PLD5: variants seen among roughly 807,000 people sequenced by gnomAD.
The protein encoded by PLD5 is inactive phospholipase D5.
A neutral mutation model predicts 61.1 loss-of-function variants in PLD5; 36 were observed. The ratio of observed to expected loss-of-function variants is 0.59; its 90% CI spans 0.45 to 0.78. The LOEUF is 0.78. PLD5 is among the 30% of genes least tolerant of loss of function. PLD5 has a pLI of 0.00. For synonymous variants in PLD5, 243 were observed against 242.8 expected, an observed-to-expected ratio of 1.00 and a Z score of -0.01; for missense variants, 515 against 644.4, an observed-to-expected ratio of 0.80 and a Z score of 2.17.
At chr1:242,523,654 C>T (rs561895453) in intron 1 of PLD5, among the ~76,000 whole-genome samples, 14 of 152,334 alleles carry the variant, frequency 9.2e-5, no homozygotes, top group Middle Eastern at 3.4e-3. Flanking sequence ...CAACTTTACT[C>T]ATTCGTTAAT....
Position 242,262,003 on chromosome 1 carries a change from A to G in PLD5, c.607+3334T>C, listed in dbSNP as rs370427923. 7.2e-5 allele frequency among the ~76,000 whole-genome samples: 11 copies of G among 152,362 alleles called. No individual in the cohort carries two copies. The South Asian group carries it at 2.1e-3, about 29-fold the overall frequency. ...ATACTGAACAGAAATGTATATGTGT[A>G]GGCATCTGAAAGACATGTACAAGAA... is the stretch of plus-strand genomic sequence containing the variant. On this transcript the variant is annotated intron_variant, in intron 4 of 9. Transcript: ENST00000536534.
chr1:242,436,493 T>A (rs912554326), intron 1 of PLD5, among the ~76,000 whole-genome samples: 6 of 152,242 alleles, frequency 3.9e-5, no homozygotes, highest in Non-Finnish European at 5.9e-5. Context: ...TAAAAAAAAA[T>A]TTATCTTTAC....
intron 9 of PLD5, among the ~76,000 whole-genome samples, chr1:242,097,290 G>T (rs1660323535): frequency 6.6e-6 from 1 of 152,150 alleles, no homozygotes; most frequent in South Asian, 2.1e-4. Flanking sequence ...GGGTCAAATG[G>T]TATTTCTAGT....
intron 1 of PLD5, among the ~76,000 whole-genome samples, chr1:242,406,865 A>G (rs1170781421): frequency 2.0e-5 from 3 of 152,250 alleles, no homozygotes; most frequent in Non-Finnish European, 4.4e-5. Context: ...TTAGTAGACT[A>G]TAAGAGGACT....
At chr1:242,457,124 G>A (rs1666968071) in intron 1 of PLD5, among the ~76,000 whole-genome samples, 1 of 152,108 alleles carries the variant, frequency 6.6e-6, no homozygotes, top group African/African-American at 2.4e-5. Context: ...CATGTTTTGT[G>A]GTGATGGGAA....
At chr1:242,477,284 G>A (rs1667624645) in intron 1 of PLD5, among the ~76,000 whole-genome samples, 1 of 152,034 alleles carries the variant, frequency 6.6e-6, no homozygotes, top group Non-Finnish European at 1.5e-5. Context: ...GGGCCAAAGA[G>A]TGAAGGGAAA....
intron 4 of PLD5, among the ~76,000 whole-genome samples, chr1:242,252,430 T>C (rs577057086): frequency 2.0e-3 from 308 of 152,304 alleles, no homozygotes; most frequent in African/African-American, 7.0e-3. Context: ...AATATGTCTC[T>C]AGCCAGTCAT....
intron 5 of PLD5, among the ~76,000 whole-genome samples, chr1:242,172,930 C>A (rs1382535261): frequency 1.3e-5 from 2 of 152,066 alleles, no homozygotes; most frequent in African/African-American, 4.8e-5. Flanking sequence ...GAGGGATTCA[C>A]AGCCAAATTC....
intron 8 of PLD5, 119 bp from the exon 9 acceptor site, chr1:242,100,901 G>T: frequency 4.5e-6 from 3 of 665,342 alleles, no homozygotes; most frequent in Non-Finnish European, 5.2e-6. Flanking sequence ...GGTTATGAAA[G>T]CCATAATCTT....
chr1:242,085,869 C>T lies in PLD5; in HGVS notation c.*3985G>A, dbSNP rs902421330. 5.4e-5 allele frequency: 7 copies of T among 128,714 alleles called. No individual in the cohort carries two copies. Among genetic ancestry groups the T allele is most frequent in the Non-Finnish European group, 1.0e-4 (6 of 59,318 alleles). The allele number at this position is 128,714 out of a possible 1,614,324, so 8.0% of individuals were successfully genotyped here. A position where few individuals can be genotyped will look rare whatever the true frequency, so the allele number is the denominator to read the frequency against. Reference sequence around the variant, plus strand: ...ACAGAAACACACACCAGTGGTCATACGTGTGGAAAAAAAAAAAAGTTAATT... The same window carrying T: ...ACAGAAACACACACCAGTGGTCATATGTGTGGAAAAAAAAAAAAGTTAATT... On this transcript the variant is annotated 3_prime_UTR_variant, in exon 10 of 10. Coordinates refer to ENST00000536534, the MANE Select transcript of PLD5 (RefSeq NM_001372062.1).
chr1:242,245,929 T>C (rs572689636), intron 4 of PLD5, among the ~76,000 whole-genome samples: 36 of 152,276 alleles, frequency 2.4e-4, no homozygotes, highest in African/African-American at 8.7e-4. Flanking sequence ...TCCCTCCTTA[T>C]ACCATACGCC....
chr1:242,406,924 G>T (rs1197781950), intron 1 of PLD5, among the ~76,000 whole-genome samples: 7 of 152,214 alleles, frequency 4.6e-5, no homozygotes, highest in Non-Finnish European at 7.4e-5. Context: ...TTAGGTTTTT[G>T]GTTCTGTAGG....
intron 3 of PLD5, among the ~76,000 whole-genome samples, chr1:242,275,271 T>C (rs1674350699): frequency 6.6e-6 from 1 of 152,018 alleles, no homozygotes; most frequent in East Asian, 1.9e-4. Flanking sequence ...TGAATATATA[T>C]TCATATTCAT....
intron 5 of PLD5, among the ~76,000 whole-genome samples, chr1:242,201,224 T>G (rs1367146474): frequency 6.6e-6 from 1 of 151,908 alleles, no homozygotes; most frequent in South Asian, 2.1e-4. Flanking sequence ...GAATTGGTGT[T>G]GGTGAATTCA....
chr1:242,437,743 CAT>C (rs1666069177), intron 1 of PLD5, among the ~76,000 whole-genome samples: 1 of 152,154 alleles, frequency 6.6e-6, no homozygotes, highest in Non-Finnish European at 1.5e-5. Flanking sequence ...GTGTCAGCTT[CAT>C]CAATATCCTA....
At chr1:242,268,010 T>A (rs7525405) in intron 3 of PLD5, among the ~76,000 whole-genome samples, 85,473 of 151,942 alleles carry the variant, frequency 0.56, 24,701 homozygotes, top group East Asian at 0.77. Flanking sequence ...TTTAGTGCCT[T>A]TGTAAATTTT....
intron 1 of PLD5, among the ~76,000 whole-genome samples, chr1:242,367,740 AAAAAC>A (rs1661423037): frequency 6.6e-6 from 1 of 152,182 alleles, no homozygotes; most frequent in Non-Finnish European, 1.5e-5. Flanking sequence ...ACCCAGCAGT[AAAAAC>A]AAACTCTGGA....
At chr1:242,425,310 C>G (rs184499036) in intron 1 of PLD5, among the ~76,000 whole-genome samples, 47 of 152,322 alleles carry the variant, frequency 3.1e-4, no homozygotes, top group Admixed American at 1.1e-3. Context: ...AGCCACAAAC[C>G]TGTGTAGCAT....
chr1:242,520,057 G>T (rs572325006), intron 1 of PLD5, among the ~76,000 whole-genome samples: 2 of 152,308 alleles, frequency 1.3e-5, no homozygotes, highest in African/African-American at 4.8e-5. Context: ...CCTTCCTTCT[G>T]GGTCTTAGCT....
Sources: allele counts gnomAD v4.1 joint callset (sites outside exome capture counted in the v4.1 genomes callset), GRCh38; gene constraint gnomAD v4.1.1; transcripts MANE v1.5; gene names NCBI Gene and HGNC (gene_info 2026-07-23, HGNC 2026-07-21).